The following PCDHGB1 variants were observed in gnomAD, a reference collection of about 807,000 sequenced individuals.
PCDHGB1 encodes the protein protocadherin gamma-B1.
PCDHGB1 carries 34 observed loss-of-function variants against 56.6 expected under a neutral mutation model. The observed-to-expected ratio is 0.60, with a 90% CI of 0.46 to 0.80. PCDHGB1 has a LOEUF of 0.80. Among genes scored for constraint, PCDHGB1 ranks in the 30% least tolerant of loss-of-function variants. The probability of loss-of-function intolerance (pLI) is 0.00; values close to 1 mark genes in which losing one functional copy is unlikely to be tolerated. For synonymous variants in PCDHGB1, 561 were observed against 505.9 expected (o/e 1.11, Z -1.46); for missense variants, 1,278 against 1,204.6 (o/e 1.06, Z -0.90).
At chr5:141,395,156 T>C in intron 1 of PCDHGB1, 4 of 1,614,114 alleles carry the variant, frequency 2.5e-6, no homozygotes, top group East Asian at 4.5e-5. Context: ...TGCTCATCAG[T>C]CAGGAGGGCT....
intron 1 of PCDHGB1, chr5:141,372,459 C>CT: frequency 6.2e-7 from 1 of 1,614,070 alleles, no homozygotes; most frequent in South Asian, 1.1e-5. Context: ...GGCGGAGCTA[C>CT]AGTTTCACCT....
At chr5:141,500,221 TTTA>T (rs1428029040) in intron 2 of PCDHGB1, among the ~76,000 whole-genome samples, 2 of 151,002 alleles carry the variant, frequency 1.3e-5, no homozygotes, top group Non-Finnish European at 2.9e-5. Flanking sequence ...TATTTATTTA[TTTA>T]TTGATACGTA....
Position 141,414,535 on chromosome 5 carries a change from C to T in PCDHGB1, c.2409+61866C>T, listed in dbSNP as rs2095756820. The T allele has an allele frequency of 6.2e-7, 1 of 1,613,962 alleles. No individual in the cohort carries two copies. On this transcript the variant is annotated intron_variant, in intron 1 of 3. Coordinates refer to ENST00000523390, the MANE Select transcript of PCDHGB1 (RefSeq NM_018922.3). The stretch of plus-strand genomic sequence containing the variant: ...AGTGGCAGATATCAATGACAACCCA[C>T]CTACCTTCTCTCAAGTCTCCTACTT...
intron 1 of PCDHGB1, among the ~76,000 whole-genome samples, chr5:141,433,747 G>A (rs566709728): frequency 1.3e-5 from 2 of 150,990 alleles, no homozygotes; most frequent in East Asian, 4.0e-4. Context: ...TGAGTCAGGA[G>A]AATTGCTTTA....
At chr5:141,419,527 C>T (rs755936657) in intron 1 of PCDHGB1, 4 of 1,612,064 alleles carry the variant, frequency 2.5e-6, no homozygotes, top group Non-Finnish European at 2.5e-6. Context: ...GCGACCGTAA[C>T]GACAACGCAC....
chr5:141,399,546 G>A, intron 1 of PCDHGB1: 1 of 1,614,032 alleles, frequency 6.2e-7, no homozygotes, highest in Non-Finnish European at 8.5e-7. Context: ...TCTGCGCCTC[G>A]GACCTGGACT....
intron 1 of PCDHGB1, among the ~76,000 whole-genome samples, chr5:141,358,236 T>C (rs1225298573): frequency 1.3e-5 from 2 of 152,182 alleles, no homozygotes; most frequent in African/African-American, 2.4e-5. Flanking sequence ...AATTTCCTTT[T>C]CTCTTAGGTG....
chr5:141,421,073 G>A (rs2096544393), intron 1 of PCDHGB1: 4 of 613,858 alleles, frequency 6.5e-6, no homozygotes, highest in Non-Finnish European at 1.1e-5. Flanking sequence ...GGAATGAGAT[G>A]GATACTCACA....
At chr5:141,407,980 C>G in intron 1 of PCDHGB1, 1 of 760,358 alleles carries the variant, frequency 1.3e-6, no homozygotes, top group Non-Finnish European at 2.0e-6. Flanking sequence ...CGCCGGGGAT[C>G]CGTCAGCCTC....
intron 1 of PCDHGB1, chr5:141,399,557 T>TG: frequency 1.2e-6 from 2 of 1,613,968 alleles, no homozygotes; most frequent in Non-Finnish European, 1.7e-6. Context: ...GACCTGGACT[T>TG]GGGGTTGAAC....
intron 1 of PCDHGB1, among the ~76,000 whole-genome samples, chr5:141,382,372 T>C (rs1402923188): frequency 6.6e-6 from 1 of 152,242 alleles, no homozygotes; most frequent in Non-Finnish European, 1.5e-5. Context: ...TTTACCTTTT[T>C]GCCTTCAATA....
At chr5:141,364,743 T>C in intron 1 of PCDHGB1, 1 of 1,613,916 alleles carries the variant, frequency 6.2e-7, no homozygotes, top group Non-Finnish European at 8.5e-7. Flanking sequence ...GATGAAGAGT[T>C]AAAAGTAAAA....
chr5:141,395,542 TTGTGTGTGTG>T lies in PCDHGB1; in HGVS notation c.2409+42913_2409+42922del, dbSNP rs55729045. 945 of 172,430 alleles carry T rather than the reference TTGTGTGTGTG, an allele frequency of 5.5e-3. 2 individuals carry two copies. The highest frequency in any genetic ancestry group is 0.011 in the African/African-American group (192 of 17,544). 10.7% of individuals were successfully genotyped at this position (172,430 alleles called of 1,614,324 possible). A position where few individuals can be genotyped will look rare whatever the true frequency, so the allele number is the denominator to read the frequency against. On this transcript the variant is annotated intron_variant, in intron 1 of 3. Coordinates refer to ENST00000523390, the MANE Select transcript of PCDHGB1 (RefSeq NM_018922.3). ...TCCATACTGGTAATTTTGCTATTGT[TTGTGTGTGTG>T]TGTGTGTGTGTGTGTGTGTGTGTGT...
At chr5:141,356,938 C>T (rs1284977558) in intron 1 of PCDHGB1, 4 of 1,614,116 alleles carry the variant, frequency 2.5e-6, no homozygotes, top group South Asian at 2.2e-5. Flanking sequence ...GCTGGCACCC[C>T]GCTCCGCAGA....
At chr5:141,404,782 G>A in intron 1 of PCDHGB1, 1 of 1,613,964 alleles carries the variant, frequency 6.2e-7, no homozygotes. Context: ...GCCTATTCAA[G>A]GCCAGTGAGC....
chr5:141,370,215 C>T (rs1430823989), intron 1 of PCDHGB1: 3 of 566,618 alleles, frequency 5.3e-6, no homozygotes, highest in East Asian at 5.9e-5. Flanking sequence ...TTGGCTCCTC[C>T]CGCTGCAGCC....
At chr5:141,413,189 G>C in intron 1 of PCDHGB1, 7 of 1,606,972 alleles carry the variant, frequency 4.4e-6, no homozygotes, top group Non-Finnish European at 6.0e-6. Context: ...GCCGCTCAAA[G>C]GAATCGCTCA....
At chr5:141,496,080 C>G (rs2099765822) in intron 2 of PCDHGB1, among the ~76,000 whole-genome samples, 2 of 152,150 alleles carry the variant, frequency 1.3e-5, no homozygotes, top group East Asian at 1.9e-4. Context: ...ACACAACCCC[C>G]CACCCACCAC....
rs750148663 is a variant in PCDHGB1 at position 141,350,921 on chromosome 5, G to A, written c.661G>A (p.Gly221Ser). 66 of 1,613,946 alleles carry A rather than the reference G, an allele frequency of 4.1e-5. No homozygotes were observed. The highest frequency in any genetic ancestry group is 5.3e-5 in the Non-Finnish European group (62 of 1,179,908). Residue 221 changes from glycine to serine, a missense_variant, in exon 1 of 4, where the codon GGC becomes AGC. By Grantham distance (56) the Gly-to-Ser change is moderately conservative. Coordinates refer to ENST00000523390, the MANE Select transcript of PCDHGB1 (RefSeq NM_018922.3). The stretch of plus-strand genomic sequence containing the variant: ...GGATGGCGGGGACCCGCCTCTAAGC[G>A]GCACCACCCATATCTGGATCCGAGT... ...AMDGGDPPLS[G>S]TTHIWIRVTD...
Sources: allele counts gnomAD v4.1 joint callset (sites outside exome capture counted in the v4.1 genomes callset), GRCh38; gene constraint gnomAD v4.1.1; transcripts MANE v1.5; gene names NCBI Gene and HGNC (gene_info 2026-07-23, HGNC 2026-07-21).